The following KRT39 variants were observed in gnomAD, a reference collection of about 807,000 sequenced individuals.
KRT39 encodes the protein keratin, type I cytoskeletal 39.
A neutral mutation model predicts 54.8 loss-of-function variants in KRT39; 47 were observed. The ratio of observed to expected loss-of-function variants is 0.86; its 90% CI spans 0.68 to 1.09. The LOEUF (loss-of-function observed/expected upper bound fraction) is 1.09. Ranked by LOEUF, KRT39 falls within the 50% of genes least tolerant of loss-of-function variation. KRT39 has a pLI of 0.00. For missense variants in KRT39, 580 were observed against 598.5 expected, an observed-to-expected ratio of 0.97 and a Z score of 0.32; for synonymous variants, 207 against 227.9, an observed-to-expected ratio of 0.91 and a Z score of 0.83.
At chr17:40,960,154 C>A (rs1911078465) in intron 6 of KRT39, 127 bp downstream of exon 6, 1 of 753,084 alleles carries the variant, frequency 1.3e-6, no homozygotes, top group Non-Finnish European at 2.2e-6. Context: ...GTGGATGCCT[C>A]TGTCCAAGCT....
chr17:40,966,597 C>A lies in KRT39; in HGVS notation c.260G>T (p.Trp87Leu). 6.2e-7 allele frequency: 1 copy of A among 1,614,144 alleles called. No individual in the cohort carries two copies. Among genetic ancestry groups the A allele is most frequent in the Non-Finnish European group, 8.5e-7 (1 of 1,180,018 alleles). ...ATTACTGTTGATGCCTTCACCATAC[C>A]AGCTGCAGTCATCCAGAGAAAAACG... ...NARFSLDDCS[W>L]YGEGINSNEK... Residue 87 changes from tryptophan (W) to leucine (L), a missense_variant, in exon 1 of 7, where the codon TGG (tryptophan) becomes TTG (leucine). By Grantham distance (61) the Trp-to-Leu change is moderately conservative (BLOSUM62 -2). Coordinates refer to ENST00000355612, the MANE Select transcript of KRT39 (RefSeq NM_213656.4).
chr17:40,960,836 A>G, intron 5 of KRT39: 1 of 343,278 alleles, frequency 2.9e-6, no homozygotes, highest in Non-Finnish European at 5.4e-6. Context: ...CCCAGGCATT[A>G]AAAATGCATT....
At position 40,966,775 on chromosome 17, in the gene KRT39, T is replaced by C; in HGVS notation, c.82A>G (p.Ile28Val). The change falls in exon 1 of 7, where the codon ATC (isoleucine) becomes GTC (valine). Residue 28 changes from isoleucine (I) to valine (V), a missense_variant. Physicochemically the swap from Ile to Val is conservative, Grantham distance 29. Coordinates refer to ENST00000355612, the MANE Select transcript of KRT39 (RefSeq NM_213656.4). Reference protein sequence around the residue: ...NCSRITNVSTISSNNGCHPGG... With the variant: ...NCSRITNVSTVSSNNGCHPGG... ...GGATGGCAGCCGTTGTTAGAAGAGA[T>C]GGTACTAACATTTGTAATCCTAGAG... 6.2e-7 allele frequency: 1 copy of C among 1,614,166 alleles called. No individual in the cohort carries two copies. The highest frequency in any genetic ancestry group is 8.5e-7 in the Non-Finnish European group (1 of 1,180,000).
intron 3 of KRT39, 80 bp from the exon 4 acceptor site, chr17:40,962,643 A>T: frequency 8.3e-7 from 1 of 1,206,606 alleles, no homozygotes; most frequent in South Asian, 1.4e-5. Context: ...AACTGCTACG[A>T]TTTAGCTTAA....
At position 40,966,513 on chromosome 17, in the gene KRT39, C is replaced by T. The variant is rs541916127; in HGVS notation, c.344G>A (p.Arg115Gln). The change falls in exon 1 of 7, where the codon CGA becomes CAA. Residue 115 changes from arginine (R) to glutamine (Q), a missense_variant. Coordinates refer to ENST00000355612, the MANE Select transcript of KRT39 (RefSeq NM_213656.4). ...ERLANYLQKV[R>Q]MLERENAELE... ...TTCAGCATTCTCTCGTTCTAGCATT[C>T]GCACCTTTTGCAGGTAGTTAGCAAG... 110 of 1,613,992 alleles carry T rather than the reference C, an allele frequency of 6.8e-5. No homozygotes were observed. Among genetic ancestry groups the T allele is most frequent in the Non-Finnish European group, 4.4e-5 (52 of 1,180,008 alleles).
In KRT39 at chr17:40,960,294, T is replaced by C; in HGVS notation, c.1204A>G (p.Ser402Gly). Residue 402 changes from serine (S) to glycine (G), a missense_variant, in exon 6 of 7, where the codon AGC becomes GGC. By Grantham distance (56) the Ser-to-Gly change is moderately conservative. Coordinates refer to ENST00000355612, the MANE Select transcript of KRT39 (RefSeq NM_213656.4). ...TATTTTACATACTTGCCATCCGAGC[T>C]CTCCAGAAGGCTGCGGTATGTGGTA... ...EITTYRSLLE[S>G]SDGKRPCYPR... 6.2e-7 allele frequency: 1 copy of C among 1,612,842 alleles called. No individual in the cohort carries two copies. Among genetic ancestry groups the C allele is most frequent in the Non-Finnish European group, 8.5e-7 (1 of 1,179,984 alleles).
chr17:40,965,006 C>G (rs1339900044), intron 1 of KRT39, among the ~76,000 whole-genome samples: 2 of 151,594 alleles, frequency 1.3e-5, no homozygotes, highest in Non-Finnish European at 2.9e-5. Context: ...ACCATCCTGG[C>G]TAACACGGTG....
chr17:40,958,839 G>A lies in KRT39; in HGVS notation c.1238C>T (p.Ala413Val), dbSNP rs1911015240. 1 of 1,605,942 alleles carries A rather than the reference G, an allele frequency of 6.2e-7. No individual in the cohort carries two copies. Among genetic ancestry groups the A allele is most frequent in the Non-Finnish European group, 8.5e-7 (1 of 1,175,964 alleles). Residue 413 changes from alanine to valine, a missense_variant, in exon 7 of 7, where the codon GCC (alanine) becomes GTC (valine). By Grantham distance (64) the Ala-to-Val change is moderately conservative (BLOSUM62 0). Coordinates refer to ENST00000355612, the MANE Select transcript of KRT39 (RefSeq NM_213656.4). The stretch of plus-strand genomic sequence containing the variant: ...CCAAGGGGAAGGCTCACATTTGGTG[G>A]CACGTGGGTAACAGGGACGCCTAAG... ...SDGKRPCYPR[A>V]TKCEPSPWTS...
Position 40,958,548 on chromosome 17 carries a change from C to G in KRT39, c.*53G>C, listed in dbSNP as rs1252897400. On this transcript the variant is annotated 3_prime_UTR_variant, in exon 7 of 7. Coordinates refer to ENST00000355612, the MANE Select transcript of KRT39 (RefSeq NM_213656.4). ...TTTTCTTAAACCTCTCTGGCAGGAG[C>G]ATGTATTGGCCTCTGTTTCATAAAT... 1 of 1,540,856 alleles carries G rather than the reference C, an allele frequency of 6.5e-7. No individual in the cohort carries two copies. The highest frequency in any genetic ancestry group is 8.7e-7 in the Non-Finnish European group (1 of 1,144,340).
intron 3 of KRT39, 151 bp downstream of exon 3, chr17:40,963,475 CT>C: frequency 1.5e-6 from 1 of 680,580 alleles, no homozygotes. Flanking sequence ...CACTTCTGTC[CT>C]TTATAAATTA....
At position 40,958,659 on chromosome 17, in the gene KRT39, A is replaced by T. The variant is rs757746753; in HGVS notation, c.1418T>A (p.Val473Asp). 1 of 1,613,920 alleles carries T rather than the reference A, an allele frequency of 6.2e-7. No individual in the cohort carries two copies. Among genetic ancestry groups the T allele is most frequent in the Non-Finnish European group, 8.5e-7 (1 of 1,179,934 alleles). ...CTGCACATGCTCGTAAGAAGAAATGACCTTCCCATCCTTAATCTCCTTGGT... is the reference window on the plus strand; with the variant it reads ...CTGCACATGCTCGTAAGAAGAAATGTCCTTCCCATCCTTAATCTCCTTGGT... ...TITKEIKDGKVISSYEHVQPC... is the reference protein window; with the variant it reads ...TITKEIKDGKDISSYEHVQPC... Residue 473 changes from valine (V) to aspartate (D), a missense_variant, in exon 7 of 7, where the codon GTC (valine) becomes GAC (aspartate). Physicochemically the swap from Val to Asp is radical, Grantham distance 152 (BLOSUM62 -3). Coordinates refer to ENST00000355612, the MANE Select transcript of KRT39 (RefSeq NM_213656.4).
chr17:40,961,493 T>C lies in KRT39; in HGVS notation c.996+669A>G, dbSNP rs550876251. ...TCCCAAAAGCCTTCACATCAGAGCA[T>C]GTAAGCAATTCTCTACTTCAGAGAG... On this transcript the variant is annotated intron_variant, in intron 5 of 6. Coordinates refer to ENST00000355612, the MANE Select transcript of KRT39 (RefSeq NM_213656.4). Among the ~76,000 whole-genome samples the C allele has an allele frequency of 4.6e-5, 7 of 152,330 alleles. No individual in the cohort carries two copies. In the South Asian group the frequency reaches 1.4e-3, roughly 32 times the overall value.
Position 40,958,783 on chromosome 17 carries a change from T to G in KRT39, c.1294A>C (p.Thr432Pro), listed in dbSNP as rs1445966718. 1 of 1,613,838 alleles carries G rather than the reference T, an allele frequency of 6.2e-7. No homozygotes were observed. The highest frequency in any genetic ancestry group is 1.3e-5 in the African/African-American group (1 of 74,884). Residue 432 changes from threonine to proline, a missense_variant, in exon 7 of 7, where the codon ACG becomes CCG. By Grantham distance (38) the Thr-to-Pro change is conservative. Transcript: ENST00000355612. ...TSCKSGAIES[T>P]APACTSSSPC... Reference sequence around the variant, plus strand: ...GATGAGGATGTGCAAGCTGGGGCCGTGCTTTCTATGGCTCCGGACTTACAA... The same window carrying G: ...GATGAGGATGTGCAAGCTGGGGCCGGGCTTTCTATGGCTCCGGACTTACAA...
chr17:40,966,098 T>G (rs1235693008), intron 1 of KRT39, among the ~76,000 whole-genome samples: 1 of 150,788 alleles, frequency 6.6e-6, no homozygotes, highest in Non-Finnish European at 1.5e-5. Flanking sequence ...TGTGTAAGGA[T>G]GGAATTTCAT....
chr17:40,966,562 TCTC>T lies in KRT39; in HGVS notation c.292_294del (p.Glu98del), dbSNP rs1260964442. On this transcript the variant is annotated inframe_deletion, in exon 1 of 7. Coordinates refer to ENST00000355612, the MANE Select transcript of KRT39 (RefSeq NM_213656.4). ...AGGCGCTCGTTCAAGATTTGCATGG[TCTC>T]CTTCTCATTACTGTTGATGCCTTCA... is the stretch of plus-strand genomic sequence containing the variant. The T allele has an allele frequency of 3.7e-6, 6 of 1,614,174 alleles. No individual in the cohort carries two copies.
At chr17:40,959,013 G>A (rs542845850) in intron 6 of KRT39, among the ~76,000 whole-genome samples, 154 bp from the exon 7 acceptor site, 7 of 152,270 alleles carry the variant, frequency 4.6e-5, no homozygotes, top group Non-Finnish European at 7.4e-5. Context: ...GTAGTTACTG[G>A]AAGAAAAAGA....
intron 1 of KRT39, among the ~76,000 whole-genome samples, 165 bp from the exon 2 acceptor site, chr17:40,964,693 A>G (rs1911294436): frequency 6.6e-6 from 1 of 152,206 alleles, no homozygotes; most frequent in Non-Finnish European, 1.5e-5. Flanking sequence ...AGAAAGTCAG[A>G]TTTCCTGTTA....
In KRT39 at chr17:40,958,575, T is replaced by C. The variant is rs900428745; in HGVS notation, c.*26A>G. On this transcript the variant is annotated 3_prime_UTR_variant, in exon 7 of 7. Coordinates refer to ENST00000355612, the MANE Select transcript of KRT39 (RefSeq NM_213656.4). Reference sequence around the variant, plus strand: ...TGTATTGGCCTCTGTTTCATAAATGTGGGTCATTTTCATCACCTTGGGATG... The same window carrying C: ...TGTATTGGCCTCTGTTTCATAAATGCGGGTCATTTTCATCACCTTGGGATG... The C allele has an allele frequency of 1.9e-6, 3 of 1,572,704 alleles. No individual in the cohort carries two copies. The highest frequency in any genetic ancestry group is 2.6e-6 in the Non-Finnish European group (3 of 1,159,612).
chr17:40,965,048 A>T (rs1169469537), intron 1 of KRT39, among the ~76,000 whole-genome samples: 4 of 89,004 alleles, frequency 4.5e-5, no homozygotes, highest in African/African-American at 2.7e-4. Flanking sequence ...TATAAAAAAA[A>T]AAAAAATTAG....
Sources: allele counts gnomAD v4.1 joint callset (sites outside exome capture counted in the v4.1 genomes callset), GRCh38; gene constraint gnomAD v4.1.1; transcripts MANE v1.5; gene names NCBI Gene and HGNC (gene_info 2026-07-23, HGNC 2026-07-21).